ARPP21: variants seen among roughly 807,000 people sequenced by gnomAD.
ARPP21 encodes the protein cAMP regulated phosphoprotein 21, also known as cAMP-regulated phosphoprotein 21.
A neutral mutation model predicts 113.2 loss-of-function variants in ARPP21; 69 were observed. The ratio of observed to expected loss-of-function variants is 0.61; its 90% CI spans 0.50 to 0.74. ARPP21 has a LOEUF of 0.74. Ranked by LOEUF, ARPP21 falls within the 30% of genes least tolerant of loss-of-function variation. ARPP21 has a pLI of 0.00. For missense variants in ARPP21, 1,070 were observed against 1,037.4 expected (o/e 1.03, Z -0.43); for synonymous variants, 368 against 375.5 (o/e 0.98, Z 0.23).
chr3:35,644,908 T>C (rs554639100), intron 1 of ARPP21, among the ~76,000 whole-genome samples: 1 of 152,066 alleles, frequency 6.6e-6, no homozygotes, highest in East Asian at 1.9e-4. Context: ...CCCCATTTAA[T>C]ATACCTTTCA....
chr3:35,713,663 G>A (rs548979234), intron 11 of ARPP21, among the ~76,000 whole-genome samples: 1 of 152,242 alleles, frequency 6.6e-6, no homozygotes, highest in East Asian at 1.9e-4. Flanking sequence ...CAAAGTGCTG[G>A]GATTACAAGT....
chr3:35,727,129 T>C (rs573663667), intron 14 of ARPP21, among the ~76,000 whole-genome samples: 1 of 152,224 alleles, frequency 6.6e-6, no homozygotes, highest in South Asian at 2.1e-4. Flanking sequence ...AGATGGAGCA[T>C]CCTGAATTGA....
intron 1 of ARPP21, among the ~76,000 whole-genome samples, chr3:35,675,195 A>G (rs1030122802): frequency 1.3e-5 from 2 of 151,442 alleles, no homozygotes; most frequent in African/African-American, 4.9e-5. Context: ...TGATGACACC[A>G]CCTTTCATGT....
At chr3:35,770,800 T>A (rs1291439668) in intron 19 of ARPP21, among the ~76,000 whole-genome samples, 2 of 152,228 alleles carry the variant, frequency 1.3e-5, no homozygotes, top group Non-Finnish European at 2.9e-5. Context: ...GTGTCATTTA[T>A]GATTTATTCT....
chr3:35,699,836 C>A (rs1015127129), intron 9 of ARPP21, among the ~76,000 whole-genome samples: 1 of 151,508 alleles, frequency 6.6e-6, no homozygotes, highest in African/African-American at 2.4e-5. Flanking sequence ...AGCCTTTTGT[C>A]TCAAAAAAAC....
Position 35,739,679 on chromosome 3 carries a change from T to C in ARPP21, c.2010+102T>C, listed in dbSNP as rs576013171. ...ATAACCAGATTCACTCCCTCTTCCC[T>C]TTCTAGTCTATATTAATATTCCTCA... On this transcript the variant is annotated intron_variant, in intron 18 of 20. Coordinates refer to ENST00000684406, the MANE Select transcript of ARPP21 (RefSeq NM_001385562.1). 1.8e-5 allele frequency: 25 copies of C among 1,411,776 alleles called. No individual in the cohort carries two copies. In the Middle Eastern group the frequency reaches 7.7e-4, roughly 43 times the overall value. The allele number at this position is 1,411,776 out of a possible 1,614,324, so 87.5% of individuals were successfully genotyped here. A position where few individuals can be genotyped will look rare whatever the true frequency, so the allele number is the denominator to read the frequency against.
chr3:35,684,818 A>G, intron 5 of ARPP21: 4 of 983,706 alleles, frequency 4.1e-6, no homozygotes, highest in Non-Finnish European at 4.8e-6. Flanking sequence ...TTCTAGCATC[A>G]TTTTCTTTAC....
At chr3:35,734,519 G>A (rs2094211057) in intron 15 of ARPP21, among the ~76,000 whole-genome samples, 1 of 152,140 alleles carries the variant, frequency 6.6e-6, no homozygotes, top group African/African-American at 2.4e-5. Flanking sequence ...ATATAATTCT[G>A]GCACATTTGC....
intron 19 of ARPP21, among the ~76,000 whole-genome samples, chr3:35,786,546 C>A (rs1003229465): frequency 2.6e-5 from 4 of 150,990 alleles, no homozygotes; most frequent in Admixed American, 1.3e-4. Context: ...AAAAAAAGTT[C>A]TACTTAGGGT....
At chr3:35,713,124 T>G (rs1480928250) in intron 11 of ARPP21, among the ~76,000 whole-genome samples, 6 of 152,166 alleles carry the variant, frequency 3.9e-5, no homozygotes, top group Non-Finnish European at 8.8e-5. Flanking sequence ...TTTTTCTTCT[T>G]TTGAAAAGAA....
chr3:35,692,495 T>C (rs1229987708), intron 9 of ARPP21, among the ~76,000 whole-genome samples: 1 of 151,706 alleles, frequency 6.6e-6, no homozygotes, highest in Non-Finnish European at 1.5e-5. Context: ...TTTTTTCTTC[T>C]TCTTTGTCTA....
chr3:35,682,808 G>A (rs570206170), intron 3 of ARPP21, 40 bp from the exon 4 acceptor site: 16 of 1,575,930 alleles, frequency 1.0e-5, no homozygotes, highest in Non-Finnish European at 1.4e-5. Context: ...GTTTTTGTTT[G>A]TTTTATTTTA....
In ARPP21 at chr3:35,793,977, A is replaced by G. The variant is rs149598559; in HGVS notation, c.*19A>G. On this transcript the variant is annotated 3_prime_UTR_variant, in exon 21 of 21. Coordinates refer to ENST00000684406, the MANE Select transcript of ARPP21 (RefSeq NM_001385562.1). Reference sequence around the variant, plus strand: ...ATTCTGAGAGCTCTGGCTGTGGTACATTTCTTCAGATATTTCTCATGGCCT... The same window carrying G: ...ATTCTGAGAGCTCTGGCTGTGGTACGTTTCTTCAGATATTTCTCATGGCCT... 1,089 of 1,600,632 alleles carry G rather than the reference A, an allele frequency of 6.8e-4. 6 individuals are homozygous for G. The African/African-American group carries it at 0.011, about 16-fold the overall frequency.
chr3:35,671,203 T>C (rs145087491), intron 1 of ARPP21, among the ~76,000 whole-genome samples: 169 of 152,128 alleles, frequency 1.1e-3, no homozygotes, highest in African/African-American at 3.8e-3. Context: ...ACATGGACAC[T>C]TTTCCTGCAG....
intron 14 of ARPP21, among the ~76,000 whole-genome samples, chr3:35,722,739 A>C (rs1300070978): frequency 6.6e-6 from 1 of 152,212 alleles, no homozygotes; most frequent in African/African-American, 2.4e-5. Flanking sequence ...AACTTGAAAC[A>C]ACTTTAAACT....
At chr3:35,751,557 A>T (rs933457273) in intron 19 of ARPP21, among the ~76,000 whole-genome samples, 3 of 152,082 alleles carry the variant, frequency 2.0e-5, no homozygotes, top group South Asian at 2.1e-4. Context: ...AATTTTTTGG[A>T]ATGTCTTTAC....
At chr3:35,669,457 T>A (rs1429887743) in intron 1 of ARPP21, among the ~76,000 whole-genome samples, 1 of 152,180 alleles carries the variant, frequency 6.6e-6, no homozygotes, top group East Asian at 1.9e-4. Flanking sequence ...ATTTGATTCT[T>A]TTTTGGATAA....
chr3:35,786,435 G>A (rs1321960316), intron 19 of ARPP21, among the ~76,000 whole-genome samples: 1 of 151,712 alleles, frequency 6.6e-6, no homozygotes, highest in Admixed American at 6.6e-5. Context: ...GGCAGGAGGA[G>A]GAGAATCATT....
intron 9 of ARPP21, among the ~76,000 whole-genome samples, chr3:35,694,248 T>C (rs986177241): frequency 6.6e-6 from 1 of 151,536 alleles, no homozygotes; most frequent in African/African-American, 2.4e-5. Context: ...GAGGATTACA[T>C]ATGTGTGTGT....
Sources: allele counts gnomAD v4.1 joint callset (sites outside exome capture counted in the v4.1 genomes callset), GRCh38; gene constraint gnomAD v4.1.1; transcripts MANE v1.5; gene names NCBI Gene and HGNC (gene_info 2026-07-23, HGNC 2026-07-21).